The following PIP4K2A variants were observed in gnomAD, a reference collection of about 807,000 sequenced individuals.
PIP4K2A encodes the protein phosphatidylinositol 5-phosphate 4-kinase type-2 alpha.
Under a neutral mutation model 42.9 loss-of-function variants are expected in PIP4K2A, and 14 were observed. The observed-to-expected ratio is 0.33, with a 90% CI of 0.22 to 0.51. The LOEUF is 0.51. Among genes scored for constraint, PIP4K2A ranks in the 20% least tolerant of loss-of-function variants. PIP4K2A has a pLI of 0.97. For missense variants in PIP4K2A, 434 were observed against 519.8 expected (o/e 0.83, Z 1.61); for synonymous variants, 192 against 192.2 (o/e 1.00, Z 0.01).
At chr10:22,673,400 C>T (rs1006571727) in intron 1 of PIP4K2A, among the ~76,000 whole-genome samples, 2 of 152,136 alleles carry the variant, frequency 1.3e-5, no homozygotes, top group Admixed American at 1.3e-4. Flanking sequence ...ATTAAAATGA[C>T]CACAACAGTC....
At chr10:22,712,073 AT>A (rs1833920286) in intron 1 of PIP4K2A, among the ~76,000 whole-genome samples, 1 of 152,244 alleles carries the variant, frequency 6.6e-6, no homozygotes, top group South Asian at 2.1e-4. Flanking sequence ...ACATGCTTAC[AT>A]TTATATGAAA....
At chr10:22,553,632 G>T (rs999662006) in intron 6 of PIP4K2A, among the ~76,000 whole-genome samples, 2 of 152,102 alleles carry the variant, frequency 1.3e-5, no homozygotes, top group Admixed American at 1.3e-4. Flanking sequence ...TAATCATTCT[G>T]CTAAGGTAGA....
At chr10:22,620,149 G>A (rs1311490303) in intron 1 of PIP4K2A, among the ~76,000 whole-genome samples, 4 of 152,160 alleles carry the variant, frequency 2.6e-5, no homozygotes, top group Non-Finnish European at 4.4e-5. Context: ...CTGTCAACTT[G>A]GTATCTGCAA....
chr10:22,584,062 C>G (rs1353247335), intron 4 of PIP4K2A, among the ~76,000 whole-genome samples: 1 of 152,222 alleles, frequency 6.6e-6, no homozygotes, highest in Non-Finnish European at 1.5e-5. Context: ...ATCTTGACCC[C>G]AAACTGTGTC....
intron 1 of PIP4K2A, among the ~76,000 whole-genome samples, chr10:22,690,529 T>C (rs1839845195): frequency 6.6e-6 from 1 of 152,204 alleles, no homozygotes. Flanking sequence ...TCTCCTCTTG[T>C]GGAAGAGAGT....
At position 22,540,055 on chromosome 10, in the gene PIP4K2A, C is replaced by T. The variant is rs1333476129; in HGVS notation, c.1056G>A (p.Val352=). The change falls in exon 9 of 10, where the codon GTG becomes GTA. Residue 352 remains valine (V), a synonymous_variant. Coordinates refer to ENST00000376573, the MANE Select transcript of PIP4K2A (RefSeq NM_005028.5). ...KCHENSPRKE[V]YFMAIIDILT... Reference sequence around the variant, plus strand: ...GGATGTCAATAATTGCCATGAAGTACACCTCCTTCCTAGGCGAGTCTGCAG... The same window carrying T: ...GGATGTCAATAATTGCCATGAAGTATACCTCCTTCCTAGGCGAGTCTGCAG... 4 of 1,607,752 alleles carry T rather than the reference C, an allele frequency of 2.5e-6. No individual in the cohort carries two copies. The highest frequency in any genetic ancestry group is 1.7e-5 in the Admixed American group (1 of 60,012).
At chr10:22,713,257 G>A (rs1426840136) in intron 1 of PIP4K2A, among the ~76,000 whole-genome samples, 1 of 152,182 alleles carries the variant, frequency 6.6e-6, no homozygotes, top group Non-Finnish European at 1.5e-5. Flanking sequence ...CCGCAGCGGC[G>A]CATCCTCCAA....
intron 4 of PIP4K2A, among the ~76,000 whole-genome samples, chr10:22,575,919 C>CA (rs553258510): frequency 2.8e-4 from 42 of 150,950 alleles, no homozygotes; most frequent in African/African-American, 1.0e-3. Flanking sequence ...GCCTAGGTGA[C>CA]AGAGCAAGAC....
chr10:22,647,822 A>G (rs956475265), intron 1 of PIP4K2A, among the ~76,000 whole-genome samples: 2 of 152,186 alleles, frequency 1.3e-5, no homozygotes, highest in Non-Finnish European at 2.9e-5. Context: ...CATGCAAGCG[A>G]CCCTTTGGGA....
intron 1 of PIP4K2A, among the ~76,000 whole-genome samples, chr10:22,680,315 T>A (rs1019896078): frequency 2.6e-5 from 4 of 152,224 alleles, no homozygotes; most frequent in African/African-American, 7.2e-5. Flanking sequence ...AAGAAAAGGC[T>A]GGTATTAATC....
At chr10:22,544,342 T>C (rs1009034339) in intron 7 of PIP4K2A, among the ~76,000 whole-genome samples, 7 of 152,100 alleles carry the variant, frequency 4.6e-5, no homozygotes, top group Non-Finnish European at 8.8e-5. Flanking sequence ...GTGCTTATGG[T>C]GGGCCCACTT....
chr10:22,589,894 T>C (rs1046461233), intron 4 of PIP4K2A, among the ~76,000 whole-genome samples: 2 of 152,220 alleles, frequency 1.3e-5, no homozygotes, highest in African/African-American at 4.8e-5. Context: ...AAAAACACCG[T>C]GTGACTCTGC....
In PIP4K2A at chr10:22,536,205, G is replaced by C. The variant is rs988352874; in HGVS notation, c.*996C>G. 2.0e-5 allele frequency: 8 copies of C among 397,966 alleles called. No individual in the cohort carries two copies. The highest frequency in any genetic ancestry group is 1.6e-4 in the African/African-American group (8 of 48,606). The allele number at this position is 397,966 out of a possible 1,614,324, so 24.7% of individuals were successfully genotyped here. On this transcript the variant is annotated 3_prime_UTR_variant, in exon 10 of 10. Coordinates refer to ENST00000376573, the MANE Select transcript of PIP4K2A (RefSeq NM_005028.5). ...CATCTTATAATTCAGATCTGCATTT[G>C]GTAACAGGAGAATTGAGAGTTTTGA...
chr10:22,551,781 T>C (rs1393714054), intron 6 of PIP4K2A, among the ~76,000 whole-genome samples: 1 of 152,134 alleles, frequency 6.6e-6, no homozygotes, highest in South Asian at 2.1e-4. Flanking sequence ...AACAAAATAA[T>C]CCAAGGAAAC....
intron 1 of PIP4K2A, among the ~76,000 whole-genome samples, chr10:22,706,490 G>A (rs530313703): frequency 7.9e-5 from 12 of 152,272 alleles, no homozygotes; most frequent in South Asian, 2.1e-4. Flanking sequence ...GCCCTTCACC[G>A]ACGTCATGCC....
intron 1 of PIP4K2A, among the ~76,000 whole-genome samples, chr10:22,690,036 TTAAG>T (rs1245182152): frequency 2.0e-5 from 3 of 152,230 alleles, no homozygotes; most frequent in Non-Finnish European, 4.4e-5. Flanking sequence ...TTTATTATAA[TTAAG>T]TATTTCTCAA....
At chr10:22,652,017 C>T (rs1240160958) in intron 1 of PIP4K2A, among the ~76,000 whole-genome samples, 1 of 152,158 alleles carries the variant, frequency 6.6e-6, no homozygotes, top group Admixed American at 6.5e-5. Flanking sequence ...TAAATCAGCT[C>T]CTGTAGATTC....
At chr10:22,645,753 G>T (rs1444205477) in intron 1 of PIP4K2A, among the ~76,000 whole-genome samples, 2 of 151,526 alleles carry the variant, frequency 1.3e-5, no homozygotes, top group East Asian at 3.9e-4. Flanking sequence ...CTCCAAGCTG[G>T]TGAGATCTCA....
chr10:22,557,144 G>A (rs1836574666), intron 6 of PIP4K2A, among the ~76,000 whole-genome samples: 1 of 151,950 alleles, frequency 6.6e-6, no homozygotes, highest in Admixed American at 6.5e-5. Flanking sequence ...AGGGGGTTGG[G>A]ATTAAAAAAG....
Sources: allele counts gnomAD v4.1 joint callset (sites outside exome capture counted in the v4.1 genomes callset), GRCh38; gene constraint gnomAD v4.1.1; transcripts MANE v1.5; gene names NCBI Gene and HGNC (gene_info 2026-07-23, HGNC 2026-07-21).